Variants in DNAH11 observed in about 807,000 individuals in gnomAD.
DNAH11 encodes dynein axonemal heavy chain 11.
In DNAH11, 442 loss-of-function variants were observed where a neutral mutation model predicts 526.0. That is an observed-to-expected ratio of 0.84 (90% CI 0.78 to 0.91). The LOEUF is 0.91. DNAH11 is among the 40% of genes least tolerant of loss of function. DNAH11 has a pLI of 0.00. For synonymous variants in DNAH11, 2,461 were observed against 1,935.9 expected (o/e 1.27, Z -7.12); for missense variants, 6,989 against 5,448.7 (o/e 1.28, Z -8.90).
At chr7:21,732,731 T>C (rs1785434998) in intron 45 of DNAH11, among the ~76,000 whole-genome samples, 1 of 152,226 alleles carries the variant, frequency 6.6e-6, no homozygotes, top group Non-Finnish European at 1.5e-5. Context: ...TCATCCCATC[T>C]TTCTATACTG....
chr7:21,565,000 A>G (rs1783605222), intron 6 of DNAH11, among the ~76,000 whole-genome samples: 2 of 152,180 alleles, frequency 1.3e-5, no homozygotes, highest in Non-Finnish European at 2.9e-5. Flanking sequence ...AGGGTATTAC[A>G]TAATTTGAGA....
intron 54 of DNAH11, among the ~76,000 whole-genome samples, chr7:21,752,898 G>C (rs1349548659): frequency 2.0e-5 from 3 of 151,976 alleles, no homozygotes; most frequent in Non-Finnish European, 2.9e-5. Flanking sequence ...ATTTTTAGTA[G>C]AGACGGGGTT....
chr7:21,545,071 A>C lies in DNAH11; in HGVS notation c.417A>C (p.Val139=), dbSNP rs1583469182. 1.2e-6 allele frequency: 2 copies of C among 1,606,766 alleles called. No individual in the cohort carries two copies. The highest frequency in any genetic ancestry group is 1.7e-6 in the Non-Finnish European group (2 of 1,175,874). The change falls in exon 2 of 82, where the codon GTA becomes GTC. Residue 139 remains valine (V), a synonymous_variant. Coordinates refer to ENST00000409508, the MANE Select transcript of DNAH11 (RefSeq NM_001277115.2). ...ISKKITESIG[V]NDFSQVVLFG... is the part of the protein sequence containing the mutation. ...AGAAGATTACTGAAAGCATTGGAGT[A>C]AATGACTTTTCTCAAGTGGTTTTAT...
At chr7:21,683,483 T>G (rs1006581192) in intron 31 of DNAH11, among the ~76,000 whole-genome samples, 1 of 151,892 alleles carries the variant, frequency 6.6e-6, no homozygotes, top group Non-Finnish European at 1.5e-5. Context: ...TTCAGTGATA[T>G]GAGTATAAAG....
intron 55 of DNAH11, among the ~76,000 whole-genome samples, chr7:21,769,351 T>C (rs372867401): frequency 6.6e-6 from 1 of 152,060 alleles, no homozygotes; most frequent in African/African-American, 2.4e-5. Flanking sequence ...AATGGAGCTA[T>C]CCCTATAAGT....
chr7:21,637,228 CCTT>C (rs1459351760), intron 26 of DNAH11, among the ~76,000 whole-genome samples: 6 of 151,784 alleles, frequency 4.0e-5, no homozygotes, highest in East Asian at 1.9e-4. Context: ...CTTTCTCTCT[CCTT>C]CTCCTCCCCC....
At chr7:21,863,572 C>T (rs552700856) in intron 69 of DNAH11, among the ~76,000 whole-genome samples, 53 of 152,168 alleles carry the variant, frequency 3.5e-4, no homozygotes, top group African/African-American at 9.2e-4. Flanking sequence ...ATGATCTGCC[C>T]GCCTCTGCCT....
intron 20 of DNAH11, among the ~76,000 whole-genome samples, chr7:21,610,873 A>G (rs1307369996): frequency 6.6e-6 from 1 of 152,276 alleles, no homozygotes; most frequent in African/African-American, 2.4e-5. Context: ...GAAAGAAGTT[A>G]GAATGCCGTC....
At chr7:21,848,382 G>A (rs1382396704) in intron 66 of DNAH11, among the ~76,000 whole-genome samples, 1 of 149,618 alleles carries the variant, frequency 6.7e-6, no homozygotes, top group African/African-American at 2.5e-5. Flanking sequence ...TTTAAAGTGG[G>A]TTTTATAGAC....
At chr7:21,871,088 GC>G (rs1322569936) in intron 73 of DNAH11, among the ~76,000 whole-genome samples, 2 of 152,160 alleles carry the variant, frequency 1.3e-5, no homozygotes, top group African/African-American at 4.8e-5. Flanking sequence ...TCTTACCTAA[GC>G]CCCAATGTGA....
intron 55 of DNAH11, among the ~76,000 whole-genome samples, chr7:21,772,655 C>T (rs73277712): frequency 0.069 from 10,463 of 152,196 alleles, 463 homozygotes; most frequent in South Asian, 0.18. Context: ...ATTTATATCA[C>T]GTTATTTTTA....
rs1436153274 is a variant in DNAH11, at chr7:21,830,088, G to A, written c.10691+11749G>A. Among the ~76,000 whole-genome samples, 4 of 152,124 alleles carry A rather than the reference G, an allele frequency of 2.6e-5. No individual in the cohort carries two copies. The South Asian group carries it at 6.2e-4, about 24-fold the overall frequency. On this transcript the variant is annotated intron_variant, in intron 65 of 81. Coordinates refer to ENST00000409508, the MANE Select transcript of DNAH11 (RefSeq NM_001277115.2). Reference sequence around the variant, plus strand: ...CATTTTGATATTCCCAGTGTACCTGGCTTTTATGCATATCTGACGTTTGAA... The same window carrying A: ...CATTTTGATATTCCCAGTGTACCTGACTTTTATGCATATCTGACGTTTGAA...
At position 21,615,162 on chromosome 7, in the gene DNAH11, GAATCT is replaced by G; in HGVS notation, c.3903_3907del (p.Glu1301AspfsTer5). The G allele has an allele frequency of 1.2e-6, 2 of 1,612,752 alleles. No homozygotes were observed. The highest frequency in any genetic ancestry group is 1.7e-6 in the Non-Finnish European group (2 of 1,179,350). On this transcript the variant is annotated frameshift_variant, in exon 21 of 82. Coordinates refer to ENST00000409508, the MANE Select transcript of DNAH11 (RefSeq NM_001277115.2). LOFTEE classifies it high-confidence loss of function. ...AGAAGAAGAAATGTTGCAGATGCAA[GAATCT>G]ACTCGTCTTTTTGAAGTGGCTCTTC...
At chr7:21,602,651 A>C (rs1308798505) in intron 18 of DNAH11, among the ~76,000 whole-genome samples, 1 of 151,952 alleles carries the variant, frequency 6.6e-6, no homozygotes, top group African/African-American at 2.4e-5. Context: ...ACATTAACCA[A>C]AAAGCTTTCA....
intron 25 of DNAH11, among the ~76,000 whole-genome samples, chr7:21,634,466 A>G (rs1040054228): frequency 6.6e-6 from 1 of 152,232 alleles, no homozygotes; most frequent in Non-Finnish European, 1.5e-5. Flanking sequence ...AAGAAGAGTC[A>G]AGTATGTTAA....
chr7:21,632,043 TG>T (rs917325079), intron 25 of DNAH11, among the ~76,000 whole-genome samples: 1 of 152,220 alleles, frequency 6.6e-6, no homozygotes, highest in Admixed American at 6.5e-5. Flanking sequence ...CCTCAGTTCT[TG>T]ACTTTTGTGC....
chr7:21,569,975 T>C (rs1783821541), intron 6 of DNAH11, 94 bp from the exon 7 acceptor site: 8 of 1,019,350 alleles, frequency 7.8e-6, no homozygotes, highest in Non-Finnish European at 1.1e-5. Flanking sequence ...CTTTAGATAC[T>C]GGCATTTAAA....
At chr7:21,756,801 C>A (rs181345481) in intron 54 of DNAH11, among the ~76,000 whole-genome samples, 1 of 152,062 alleles carries the variant, frequency 6.6e-6, no homozygotes, top group African/African-American at 2.4e-5. Flanking sequence ...TTATTAGAAT[C>A]GCCTAAAATT....
At chr7:21,543,884 G>A in intron 1 of DNAH11, 2 of 456,278 alleles carry the variant, frequency 4.4e-6, no homozygotes, top group Non-Finnish European at 7.7e-6. Flanking sequence ...TTCTTTAGCT[G>A]CTTGGGTGTT....
Sources: gnomAD v4.1 joint callset for allele counts (sites outside exome capture counted in the v4.1 genomes callset) on GRCh38, gnomAD v4.1.1 for gene constraint, MANE v1.5 for transcripts, NCBI Gene and HGNC (gene_info 2026-07-23, HGNC 2026-07-21) for gene names.